HLA-E: variants seen among roughly 807,000 people sequenced by gnomAD.
HLA-E encodes the protein HLA class I histocompatibility antigen, alpha chain E.
HLA-E carries 25 observed loss-of-function variants against 43.4 expected under a neutral mutation model. That is an observed-to-expected ratio of 0.58 (90% confidence interval 0.42 to 0.80). HLA-E has a LOEUF of 0.80. Among genes scored for constraint, HLA-E ranks in the 30% least tolerant of loss-of-function variants. The pLI is 0.00. For synonymous variants in HLA-E, 161 were observed against 197.6 expected (o/e 0.81, Z 1.55); for missense variants, 343 against 470.0 (o/e 0.73, Z 2.50).
Position 30,491,433 on chromosome 6 carries a change from T to G in HLA-E, c.886+21T>G. On this transcript the variant is annotated intron_variant, in intron 4 of 7. Transcript: ENST00000376630. This position sits in a 1 kb window ranked among gnomAD's most constrained non-coding sequence, Gnocchi z 5.4. Reference sequence around the variant, plus strand: ...ATGGAGTAAGGAGGGGGATGGGAGGTCATGTCTCTTCTCAGGGAAAGCGGG... The same window carrying G: ...ATGGAGTAAGGAGGGGGATGGGAGGGCATGTCTCTTCTCAGGGAAAGCGGG... 1.9e-6 allele frequency: 3 copies of G among 1,613,234 alleles called. No individual in the cohort carries two copies. Among genetic ancestry groups the G allele is most frequent in the Non-Finnish European group, 1.7e-6 (2 of 1,179,482 alleles).
chr6:30,492,740 C>A lies in HLA-E; in HGVS notation c.*3-9C>A. The A allele has an allele frequency of 1.3e-6, 1 of 759,216 alleles. No individual in the cohort carries two copies. Among genetic ancestry groups the A allele is most frequent in the South Asian group, 1.7e-5 (1 of 60,196 alleles). 47.0% of individuals were successfully genotyped at this position (759,216 alleles called of 1,614,324 possible). On this transcript the variant is annotated splice_polypyrimidine_tract_variant and intron_variant, in intron 7 of 7. Transcript: ENST00000376630. This position sits in a 1 kb window ranked among gnomAD's most constrained non-coding sequence, Gnocchi z 4.5. Reference sequence around the variant, plus strand: ...ACCTGAATTTGTTCATGACTATTTTCTTCTGTAGCCTGAGACAGCTGCCTT... The same window carrying A: ...ACCTGAATTTGTTCATGACTATTTTATTCTGTAGCCTGAGACAGCTGCCTT...
In HLA-E at chr6:30,491,632, A is replaced by T. The variant is rs753296117; in HGVS notation, c.982A>T (p.Ile328Leu). 4 of 1,612,850 alleles carry T rather than the reference A, an allele frequency of 2.5e-6. No homozygotes were observed. The highest frequency in any genetic ancestry group is 3.3e-5 in the Admixed American group (2 of 59,978). Residue 328 changes from isoleucine (I) to leucine (L), a missense_variant, in exon 5 of 8, where the codon ATA becomes TTA. Transcript: ENST00000376630. This position sits in a 1 kb window ranked among gnomAD's most constrained non-coding sequence, Gnocchi z 5.4. The part of the protein sequence containing the change: ...VVSGAVVAAV[I>L]WRKKSSGGKG... ...CTCTGGAGCTGTGGTTGCTGCTGTG[A>T]TATGGAGGAAGAAGAGCTCAGGTGG...
rs940894401 is a variant in HLA-E, at chr6:30,490,929, C to T, written c.611-208C>T. Among the ~76,000 whole-genome samples the T allele has an allele frequency of 2.6e-5, 4 of 152,216 alleles. No homozygotes were observed. Among genetic ancestry groups the T allele is most frequent in the African/African-American group, 4.8e-5 (2 of 41,458 alleles). On this transcript the variant is annotated intron_variant, in intron 3 of 7. Transcript: ENST00000376630. This position sits in a 1 kb window ranked among gnomAD's most constrained non-coding sequence, Gnocchi z 6.6. ...GCCAGGACCAGAAATCCCTTTTCAC[C>T]TTCTACCCTGGGCTAGCTCATCCCG...
At position 30,494,153 on chromosome 6, in the gene HLA-E, A is replaced by C. The variant is rs1445277262; in HGVS notation, c.*1407A>C. On this transcript the variant is annotated 3_prime_UTR_variant, in exon 8 of 8. Transcript: ENST00000376630. This position sits in a 1 kb window ranked among gnomAD's most constrained non-coding sequence, Gnocchi z 4.9. ...CCCCTCACCTTCCCAGGCTGATCTG[A>C]GGTAAACTTTGAAGTAAAATAAAAG... The C allele has an allele frequency of 6.6e-6, 1 of 152,216 alleles. No individual in the cohort carries two copies. The highest frequency in any genetic ancestry group is 2.4e-5 in the African/African-American group (1 of 41,452). 9.4% of individuals were successfully genotyped at this position (152,216 alleles called of 1,614,324 possible).
Position 30,491,074 on chromosome 6 carries a change from G to C in HLA-E, c.611-63G>C, listed in dbSNP as rs934056452. On this transcript the variant is annotated intron_variant, in intron 3 of 7. Coordinates refer to ENST00000376630, the MANE Select transcript of HLA-E (RefSeq NM_005516.6). The surrounding 1 kb of genome is among the most constrained non-coding windows in gnomAD (Gnocchi z 5.4). ...TCTTCCTTCTCAGGATGGTCACATG[G>C]GTGCTGCTGGAGTGTCCCATGAGAG... 75 of 1,581,844 alleles carry C rather than the reference G, an allele frequency of 4.7e-5. No homozygotes were observed. Among genetic ancestry groups the C allele is most frequent in the Non-Finnish European group, 6.1e-5 (71 of 1,160,178 alleles).
In HLA-E at chr6:30,491,484, G is replaced by A; in HGVS notation, c.887-53G>A. The A allele has an allele frequency of 6.2e-7, 1 of 1,611,470 alleles. No individual in the cohort carries two copies. The highest frequency in any genetic ancestry group is 8.5e-7 in the Non-Finnish European group (1 of 1,178,368). On this transcript the variant is annotated intron_variant, in intron 4 of 7. Transcript: ENST00000376630. The surrounding 1 kb of genome is among the most constrained non-coding windows in gnomAD (Gnocchi z 5.4). ...AGCCCTTCTGGAGCCCTTCCGCAGG[G>A]TCAGGGCTGAGGCCTGGGGGTCAGG...
Position 30,491,251 on chromosome 6 carries a change from G to C in HLA-E, c.725G>C (p.Gly242Ala). The part of the protein sequence containing the change: ...AEITLTWQQD[G>A]EGHTQDTELV... ...ATCACACTGACCTGGCAGCAGGATG[G>C]GGAGGGCCATACCCAGGACACGGAG... The change falls in exon 4 of 8, where the codon GGG becomes GCG. Residue 242 changes from glycine (G) to alanine (A), a missense_variant. Gly to Ala is a moderately conservative substitution (Grantham distance 60). Transcript: ENST00000376630. This position sits in a 1 kb window ranked among gnomAD's most constrained non-coding sequence, Gnocchi z 5.4. The C allele has an allele frequency of 6.8e-6, 11 of 1,614,116 alleles. No homozygotes were observed. The highest frequency in any genetic ancestry group is 9.3e-6 in the Non-Finnish European group (11 of 1,179,966).
At position 30,490,282 on chromosome 6, in the gene HLA-E, C is replaced by T; in HGVS notation, c.377C>T (p.Pro126Leu). Residue 126 changes from proline (P) to leucine (L), a missense_variant, in exon 3 of 8, where the codon CCC (proline) becomes CTC (leucine). Coordinates refer to ENST00000376630, the MANE Select transcript of HLA-E (RefSeq NM_005516.6). This position sits in a 1 kb window ranked among gnomAD's most constrained non-coding sequence, Gnocchi z 6.6. ...TGGATGCATGGCTGCGAGCTGGGGCCCGACGGGCGCTTCCTCCGCGGGTAT... is the reference window on the plus strand; with the variant it reads ...TGGATGCATGGCTGCGAGCTGGGGCTCGACGGGCGCTTCCTCCGCGGGTAT... ...LQWMHGCELGPDGRFLRGYEQ... is the reference protein window; with the variant it reads ...LQWMHGCELGLDGRFLRGYEQ... The T allele has an allele frequency of 6.2e-7, 1 of 1,613,022 alleles. No homozygotes were observed. The highest frequency in any genetic ancestry group is 1.1e-5 in the South Asian group (1 of 91,084).
Position 30,489,547 on chromosome 6 carries a change from C to T in HLA-E, c.16C>T (p.Leu6Phe), listed in dbSNP as rs369524967. Reference sequence around the variant, plus strand: ...GGCTGGGATCATGGTAGATGGAACCCTCCTTTTACTCCTCTCGGAGGCCCT... The same window carrying T: ...GGCTGGGATCATGGTAGATGGAACCTTCCTTTTACTCCTCTCGGAGGCCCT... MVDGT[L>F]LLLLSEALAL... is the part of the protein sequence containing the mutation. The change falls in exon 1 of 8, where the codon CTC (leucine) becomes TTC (phenylalanine). Residue 6 changes from leucine to phenylalanine, a missense_variant. By Grantham distance (22) the Leu-to-Phe change is conservative. Transcript: ENST00000376630. This position sits in a 1 kb window ranked among gnomAD's most constrained non-coding sequence, Gnocchi z 5.6. 3.9e-6 allele frequency: 6 copies of T among 1,526,306 alleles called. No individual in the cohort carries two copies. Among genetic ancestry groups the T allele is most frequent in the South Asian group, 1.3e-5 (1 of 77,146 alleles). 94.5% of individuals were successfully genotyped at this position (1,526,306 alleles called of 1,614,324 possible).
rs1162972576 is a variant in HLA-E, at chr6:30,491,558, TC to T, written c.912del (p.Ile305SerfsTer23). On this transcript the variant is annotated frameshift_variant, in exon 5 of 8. Coordinates refer to ENST00000376630, the MANE Select transcript of HLA-E (RefSeq NM_005516.6). LOFTEE classifies it high-confidence loss of function. The surrounding 1 kb of genome is among the most constrained non-coding windows in gnomAD (Gnocchi z 5.4). ...LRWKPASQPTIPIVGIIAGLV... is the reference protein window; with the variant it reads ...LRWKPASQPTXPIVGIIAGLV... The stretch of plus-strand genomic sequence containing the variant: ...CCAGAGCCGGCTTCCCAGCCCACCA[TC>T]CCCATCGTGGGCATCATTGCTGGCC... 1 of 1,613,498 alleles carries T rather than the reference TC, an allele frequency of 6.2e-7. No homozygotes were observed. Among genetic ancestry groups the T allele is most frequent in the Admixed American group, 1.7e-5 (1 of 60,012 alleles).
chr6:30,489,670 C>G lies in HLA-E; in HGVS notation c.65-56C>G. 6.2e-7 allele frequency: 1 copy of G among 1,608,996 alleles called. No individual in the cohort carries two copies. Among genetic ancestry groups the G allele is most frequent in the South Asian group, 1.1e-5 (1 of 90,730 alleles). ...GCCGGCCCGGCGGGGGCGAAGGACT[C>G]GGGGAGCCGCGCCGGGAGGAGGGTC... On this transcript the variant is annotated intron_variant, in intron 1 of 7. Coordinates refer to ENST00000376630, the MANE Select transcript of HLA-E (RefSeq NM_005516.6). The surrounding 1 kb of genome is among the most constrained non-coding windows in gnomAD (Gnocchi z 5.6).
In HLA-E at chr6:30,492,507, G is replaced by A. The variant is rs930356445; in HGVS notation, c.1037-34G>A. On this transcript the variant is annotated intron_variant, in intron 6 of 7. Coordinates refer to ENST00000376630, the MANE Select transcript of HLA-E (RefSeq NM_005516.6). The surrounding 1 kb of genome is among the most constrained non-coding windows in gnomAD (Gnocchi z 4.5). ...TCCTCCTGCACCACATCTCCTGTGG[G>A]CTCTGACCAGGTCTTGTTTTTGTTC... 2.5e-6 allele frequency: 4 copies of A among 1,614,084 alleles called. No individual in the cohort carries two copies. Among genetic ancestry groups the A allele is most frequent in the Non-Finnish European group, 2.5e-6 (3 of 1,179,972 alleles).
chr6:30,490,568 G>T lies in HLA-E; in HGVS notation c.610+53G>T. On this transcript the variant is annotated intron_variant, in intron 3 of 7. Transcript: ENST00000376630. The surrounding 1 kb of genome is among the most constrained non-coding windows in gnomAD (Gnocchi z 6.6). ...CATCTCCTTCTTGGGCTAGGACTGT[G>T]CCCACAGCTGACAGACCTCAAACAG... The T allele has an allele frequency of 6.5e-7, 1 of 1,539,928 alleles. No homozygotes were observed. Among genetic ancestry groups the T allele is most frequent in the Non-Finnish European group, 8.8e-7 (1 of 1,132,328 alleles).
At position 30,490,281 on chromosome 6, in the gene HLA-E, C is replaced by T; in HGVS notation, c.376C>T (p.Pro126Ser). 1.9e-6 allele frequency: 3 copies of T among 1,613,014 alleles called. No homozygotes were observed. In the African/African-American group the frequency reaches 4.0e-5, roughly 21 times the overall value. The change falls in exon 3 of 8, where the codon CCC (proline) becomes TCC (serine). Residue 126 changes from proline to serine, a missense_variant. Coordinates refer to ENST00000376630, the MANE Select transcript of HLA-E (RefSeq NM_005516.6). This position sits in a 1 kb window ranked among gnomAD's most constrained non-coding sequence, Gnocchi z 6.6. The part of the protein sequence containing the change: ...LQWMHGCELG[P>S]DGRFLRGYEQ... The stretch of plus-strand genomic sequence containing the variant: ...GTGGATGCATGGCTGCGAGCTGGGG[C>T]CCGACGGGCGCTTCCTCCGCGGGTA...
At position 30,491,740 on chromosome 6, in the gene HLA-E, C is replaced by T; in HGVS notation, c.1003+87C>T. 3 of 1,080,278 alleles carry T rather than the reference C, an allele frequency of 2.8e-6. No individual in the cohort carries two copies. The highest frequency in any genetic ancestry group is 4.1e-6 in the Non-Finnish European group (3 of 730,668). The allele number at this position is 1,080,278 out of a possible 1,614,324, so 66.9% of individuals were successfully genotyped here. A position where few individuals can be genotyped will look rare whatever the true frequency, so the allele number is the denominator to read the frequency against. On this transcript the variant is annotated intron_variant, in intron 5 of 7. Transcript: ENST00000376630. The surrounding 1 kb of genome is among the most constrained non-coding windows in gnomAD (Gnocchi z 5.4). The stretch of plus-strand genomic sequence containing the variant: ...GGTAAAAGTGTGTCCTGCCTCGTTA[C>T]TGGGAAGCACCATCCACACACACGA...
In HLA-E at chr6:30,489,653, G is replaced by A. The variant is rs772012998; in HGVS notation, c.64+58G>A. 2 of 1,605,556 alleles carry A rather than the reference G, an allele frequency of 1.2e-6. No individual in the cohort carries two copies. The highest frequency in any genetic ancestry group is 8.5e-7 in the Non-Finnish European group (1 of 1,175,612). On this transcript the variant is annotated intron_variant, in intron 1 of 7. Coordinates refer to ENST00000376630, the MANE Select transcript of HLA-E (RefSeq NM_005516.6). This position sits in a 1 kb window ranked among gnomAD's most constrained non-coding sequence, Gnocchi z 5.6. Reference sequence around the variant, plus strand: ...ACCGGGAGTAGAGAGGGGCCGGCCCGGCGGGGGCGAAGGACTCGGGGAGCC... The same window carrying A: ...ACCGGGAGTAGAGAGGGGCCGGCCCAGCGGGGGCGAAGGACTCGGGGAGCC...
rs760277120 is a variant in HLA-E at position 30,491,565 on chromosome 6, C to T, written c.915C>T (p.Ile305=). 6.2e-6 allele frequency: 10 copies of T among 1,613,422 alleles called. No individual in the cohort carries two copies. Among genetic ancestry groups the T allele is most frequent in the East Asian group, 2.2e-5 (1 of 44,902 alleles). Residue 305 remains isoleucine, a synonymous_variant, in exon 5 of 8, where the codon ATC becomes ATT. Coordinates refer to ENST00000376630, the MANE Select transcript of HLA-E (RefSeq NM_005516.6). This position sits in a 1 kb window ranked among gnomAD's most constrained non-coding sequence, Gnocchi z 5.4. ...WKPASQPTIP[I]VGIIAGLVLL... ...CGGCTTCCCAGCCCACCATCCCCAT[C>T]GTGGGCATCATTGCTGGCCTGGTTC...
chr6:30,490,057 G>A lies in HLA-E; in HGVS notation c.334+62G>A. The A allele has an allele frequency of 6.5e-7, 1 of 1,540,656 alleles. No homozygotes were observed. Among genetic ancestry groups the A allele is most frequent in the Non-Finnish European group, 8.8e-7 (1 of 1,133,884 alleles). On this transcript the variant is annotated intron_variant, in intron 2 of 7. Transcript: ENST00000376630. The surrounding 1 kb of genome is among the most constrained non-coding windows in gnomAD (Gnocchi z 6.6). ...CTCCCCATCCCCCACGGACGGCGCG[G>A]GTCCCCTCGAATCTTCGGGTCCCAG...
rs1488540763 is a variant in HLA-E, at chr6:30,491,545, T to G, written c.895T>G (p.Ser299Ala). Residue 299 changes from serine to alanine, a missense_variant, in exon 5 of 8, where the codon TCC (serine) becomes GCC (alanine). Ser to Ala is a moderately conservative substitution (Grantham distance 99). Coordinates refer to ENST00000376630, the MANE Select transcript of HLA-E (RefSeq NM_005516.6). The surrounding 1 kb of genome is among the most constrained non-coding windows in gnomAD (Gnocchi z 5.4). ...EPVTLRWKPA[S>A]QPTIPIVGII... The stretch of plus-strand genomic sequence containing the variant: ...TTCCCCTCTTTTCCCAGAGCCGGCT[T>G]CCCAGCCCACCATCCCCATCGTGGG... 1 of 1,613,410 alleles carries G rather than the reference T, an allele frequency of 6.2e-7. No homozygotes were observed. Among genetic ancestry groups the G allele is most frequent in the African/African-American group, 1.3e-5 (1 of 75,040 alleles).
Sources: allele counts gnomAD v4.1 joint callset (sites outside exome capture counted in the v4.1 genomes callset), GRCh38; gene constraint gnomAD v4.1.1; non-coding constraint Gnocchi (gnomAD v3.1); transcripts MANE v1.5; gene names NCBI Gene and HGNC (gene_info 2026-07-23, HGNC 2026-07-21).